Variants in RASGRF1 observed in about 807,000 individuals in gnomAD.
RASGRF1 encodes the protein ras-specific guanine nucleotide-releasing factor 1.
A neutral mutation model predicts 138.7 loss-of-function variants in RASGRF1; 40 were observed. The observed-to-expected ratio is 0.29, with a 90% CI of 0.22 to 0.38. The LOEUF (loss-of-function observed/expected upper bound fraction) is 0.38, where lower values mean the gene tolerates loss of function less well. RASGRF1 is among the 10% of genes least tolerant of loss of function. The pLI, the probability that RASGRF1 is intolerant of heterozygous loss-of-function variation, is 1.00. For synonymous variants in RASGRF1, 614 were observed against 663.2 expected (o/e 0.93, Z 1.14); for missense variants, 1,108 against 1,650.4 (o/e 0.67, Z 5.69).
chr15:79,079,054 G>T (rs1193549848), intron 1 of RASGRF1, among the ~76,000 whole-genome samples: 1 of 152,262 alleles, frequency 6.6e-6, no homozygotes, highest in Non-Finnish European at 1.5e-5. Context: ...CTCGAACGAG[G>T]CTGTGCTTGA....
chr15:79,057,147 A>G (rs1295770244), intron 3 of RASGRF1, among the ~76,000 whole-genome samples: 2 of 152,272 alleles, frequency 1.3e-5, no homozygotes, highest in Non-Finnish European at 1.5e-5. Flanking sequence ...AACCCTCAGC[A>G]GATGCCTGGG....
At chr15:78,977,145 A>T (rs1340443757) in intron 24 of RASGRF1, among the ~76,000 whole-genome samples, 1 of 152,220 alleles carries the variant, frequency 6.6e-6, no homozygotes, top group Non-Finnish European at 1.5e-5. Flanking sequence ...ACCAAACTCC[A>T]GGAAACCAAC....
chr15:79,067,715 T>C (rs2057698672), intron 1 of RASGRF1, among the ~76,000 whole-genome samples: 1 of 152,158 alleles, frequency 6.6e-6, no homozygotes, highest in Non-Finnish European at 1.5e-5. Context: ...AAATCTGGAC[T>C]TTGGGTAGCA....
intron 15 of RASGRF1, 127 bp downstream of exon 15, chr15:79,003,675 G>A: frequency 7.1e-7 from 1 of 1,399,386 alleles, no homozygotes; most frequent in Non-Finnish European, 9.5e-7. Context: ...TGCCTGGTGG[G>A]ACCCCCAAGC....
At chr15:79,064,580 C>G (rs759178827) in intron 1 of RASGRF1, 54 bp from the exon 2 acceptor site, 3 of 1,530,714 alleles carry the variant, frequency 2.0e-6, no homozygotes, top group Admixed American at 3.3e-5. Flanking sequence ...GGACCAACAA[C>G]GACTCTTGCA....
intron 24 of RASGRF1, among the ~76,000 whole-genome samples, chr15:78,975,843 T>C (rs2055859752): frequency 2.0e-5 from 3 of 152,158 alleles, no homozygotes; most frequent in South Asian, 4.1e-4. Context: ...CTTTCTATCA[T>C]ACTCCAAGTC....
intron 1 of RASGRF1, among the ~76,000 whole-genome samples, chr15:79,084,538 A>C (rs1466194650): frequency 6.6e-6 from 1 of 152,188 alleles, no homozygotes; most frequent in Non-Finnish European, 1.5e-5. Flanking sequence ...TCTGGACAAC[A>C]GGGCCGCCAC....
chr15:78,990,833 C>T (rs1046587174), intron 21 of RASGRF1, among the ~76,000 whole-genome samples: 2 of 152,214 alleles, frequency 1.3e-5, no homozygotes, highest in Non-Finnish European at 2.9e-5. Context: ...CATCCCGCTT[C>T]TCCTCCTAGA....
chr15:78,986,145 A>T (rs2056151942), intron 22 of RASGRF1, among the ~76,000 whole-genome samples: 1 of 152,090 alleles, frequency 6.6e-6, no homozygotes, highest in South Asian at 2.1e-4. Flanking sequence ...GGTCTCACAT[A>T]CACAGTAGAA....
At chr15:79,023,296 A>G (rs1417771745) in intron 10 of RASGRF1, among the ~76,000 whole-genome samples, 1 of 152,190 alleles carries the variant, frequency 6.6e-6, no homozygotes, top group Non-Finnish European at 1.5e-5. Context: ...CCTAATTGAC[A>G]GCAAATCCAC....
chr15:79,046,910 C>T lies in RASGRF1; in HGVS notation c.714G>A (p.Met238Ile), dbSNP rs965905143. The T allele has an allele frequency of 6.2e-7, 1 of 1,614,192 alleles. No homozygotes were observed. The highest frequency in any genetic ancestry group is 8.5e-7 in the Non-Finnish European group (1 of 1,180,040). Residue 238 changes from methionine to isoleucine, a missense_variant, in exon 5 of 27, where the codon ATG becomes ATA. Physicochemically the swap from Met to Ile is conservative, Grantham distance 10. Transcript: ENST00000558480. This position sits in a 1 kb window ranked among gnomAD's most constrained non-coding sequence, Gnocchi z 5.3. ...DYIRSPHADS[M>I]RKRNQVVFSM... is the part of the protein sequence containing the mutation. ...TGAACACCACCTGGTTCCTCTTGCG[C>T]ATGCTGTCAGCATGGGGTGACCGGA...
chr15:79,012,616 A>G, intron 13 of RASGRF1: 1 of 1,533,420 alleles, frequency 6.5e-7, no homozygotes, highest in Non-Finnish European at 8.8e-7. Flanking sequence ...CTTTATCACC[A>G]TCATTATTCA....
chr15:79,003,433 G>A (rs926824348), intron 15 of RASGRF1, among the ~76,000 whole-genome samples: 1 of 152,216 alleles, frequency 6.6e-6, no homozygotes, highest in African/African-American at 2.4e-5. Flanking sequence ...TCTCTCCCGG[G>A]CCCTGAATGG....
At chr15:78,978,215 C>CTTTTCTTTTCTTTTTT (rs2055915117) in intron 24 of RASGRF1, among the ~76,000 whole-genome samples, 4 of 79,342 alleles carry the variant, frequency 5.0e-5, no homozygotes, top group African/African-American at 1.5e-4. Context: ...TTTTTCTTTT[C>CTTTTCTTTTCTTTTTT]TTTTGTTTTT....
At chr15:79,015,685 G>C (rs2056868978) in intron 12 of RASGRF1, among the ~76,000 whole-genome samples, 1 of 152,202 alleles carries the variant, frequency 6.6e-6, no homozygotes, top group African/African-American at 2.4e-5. Flanking sequence ...TACCTCACTG[G>C]GTTGATTACA....
At chr15:79,024,799 T>C (rs1472634329) in intron 10 of RASGRF1, among the ~76,000 whole-genome samples, 1 of 152,134 alleles carries the variant, frequency 6.6e-6, no homozygotes, top group South Asian at 2.1e-4. Context: ...AATTACCCAG[T>C]CTCAGGTATT....
At position 79,049,514 on chromosome 15, in the gene RASGRF1, G is replaced by A; in HGVS notation, c.606C>T (p.Asp202=). The part of the protein sequence containing the change: ...QTVAPNDEDS[D]IKKIKKVQSF... ...CACTGACCTTCTTAATTTTCTTGATGTCGCTGTCTTCATCGTTGGGGGCGA... is the reference window on the plus strand; with the variant it reads ...CACTGACCTTCTTAATTTTCTTGATATCGCTGTCTTCATCGTTGGGGGCGA... The change falls in exon 4 of 27, where the codon GAC becomes GAT. Residue 202 remains aspartate (D), a synonymous_variant. Transcript: ENST00000558480. 3 of 1,614,076 alleles carry A rather than the reference G, an allele frequency of 1.9e-6. No homozygotes were observed. The highest frequency in any genetic ancestry group is 1.1e-5 in the South Asian group (1 of 91,054).
intron 24 of RASGRF1, chr15:78,978,382 G>A (rs773558093): frequency 1.2e-5 from 5 of 409,480 alleles, no homozygotes; most frequent in Middle Eastern, 1.2e-3. Flanking sequence ...GTGCCACCAC[G>A]CCTGGCTAAT....
intron 20 of RASGRF1, among the ~76,000 whole-genome samples, chr15:78,993,246 A>AG (rs1567468369): frequency 2.3e-5 from 1 of 44,080 alleles, no homozygotes; most frequent in Non-Finnish European, 4.7e-5. Context: ...GTGTGTGTGT[A>AG]CGTGGTGTGT....
Sources: gnomAD v4.1 joint callset for allele counts (sites outside exome capture counted in the v4.1 genomes callset) on GRCh38, gnomAD v4.1.1 for gene constraint, Gnocchi (gnomAD v3.1) non-coding constraint, MANE v1.5 for transcripts, NCBI Gene and HGNC (gene_info 2026-07-23, HGNC 2026-07-21) for gene names.